SUMF1: variants seen among roughly 807,000 people sequenced by gnomAD.
SUMF1 encodes the protein formylglycine-generating enzyme.
A neutral mutation model predicts 47.6 loss-of-function variants in SUMF1; 48 were observed. That is an observed-to-expected ratio of 1.01 (90% CI 0.80 to 1.28). SUMF1 has a LOEUF of 1.28. SUMF1 is among the 50% of genes most tolerant of loss of function. SUMF1 has a pLI of 0.00. For synonymous variants in SUMF1, 230 were observed against 192.1 expected (o/e 1.20, Z -1.63); for missense variants, 571 against 485.4 (o/e 1.18, Z -1.66).
chr3:4,052,954 A>T (rs1695138334), intron 9 of SUMF1, among the ~76,000 whole-genome samples: 1 of 152,180 alleles, frequency 6.6e-6, no homozygotes, highest in Non-Finnish European at 1.5e-5. Context: ...GGCACTTTTA[A>T]TGTCCTTCAA....
intron 8 of SUMF1, among the ~76,000 whole-genome samples, chr3:4,308,901 A>G (rs1698297424): frequency 6.6e-6 from 1 of 152,258 alleles, no homozygotes; most frequent in Non-Finnish European, 1.5e-5. Flanking sequence ...AGCATGGACC[A>G]TGACACAGCC....
chr3:4,423,764 G>T (rs1701982207), intron 3 of SUMF1, among the ~76,000 whole-genome samples: 1 of 152,128 alleles, frequency 6.6e-6, no homozygotes, highest in Non-Finnish European at 1.5e-5. Context: ...GATCACTGGG[G>T]CAGAACCCTT....
chr3:4,233,223 C>T (rs1423933051), intron 8 of SUMF1, among the ~76,000 whole-genome samples: 1 of 152,034 alleles, frequency 6.6e-6, no homozygotes. Context: ...TTCTGAGATC[C>T]GCAGATGGCA....
intron 4 of SUMF1, among the ~76,000 whole-genome samples, chr3:4,418,562 T>C (rs1000026870): frequency 1.3e-5 from 2 of 152,222 alleles, no homozygotes; most frequent in African/African-American, 2.4e-5. Context: ...CTACAGTGGC[T>C]CAACCTATGG....
chr3:4,277,077 G>A (rs1215937269), intron 8 of SUMF1, among the ~76,000 whole-genome samples: 1 of 151,998 alleles, frequency 6.6e-6, no homozygotes, highest in Non-Finnish European at 1.5e-5. Flanking sequence ...ACCTTGTTAG[G>A]CAGTCTATTA....
chr3:4,287,877 A>C (rs1026777750), intron 8 of SUMF1, among the ~76,000 whole-genome samples: 1 of 152,234 alleles, frequency 6.6e-6, no homozygotes, highest in Non-Finnish European at 1.5e-5. Context: ...AAATTAGTAA[A>C]TCTTCCAATA....
At chr3:4,347,578 A>C (rs1699398908) in intron 8 of SUMF1, among the ~76,000 whole-genome samples, 1 of 152,256 alleles carries the variant, frequency 6.6e-6, no homozygotes, top group South Asian at 2.1e-4. Flanking sequence ...CCAATATCTT[A>C]TTGAATGGGC....
chr3:4,317,300 CAGTT>C (rs1698705979), intron 8 of SUMF1: 1 of 1,249,422 alleles, frequency 8.0e-7, no homozygotes, highest in African/African-American at 1.5e-5. Flanking sequence ...TCCAAAACCG[CAGTT>C]AGTTTTGCAC....
At chr3:4,224,466 C>T (rs1696132488) in intron 8 of SUMF1, among the ~76,000 whole-genome samples, 1 of 152,034 alleles carries the variant, frequency 6.6e-6, no homozygotes, top group Non-Finnish European at 1.5e-5. Context: ...GCCATGTGCA[C>T]CATTACCCTC....
At chr3:4,176,984 G>A (rs1052236918) in intron 8 of SUMF1, among the ~76,000 whole-genome samples, 18 of 152,270 alleles carry the variant, frequency 1.2e-4, no homozygotes, top group East Asian at 9.6e-4. Flanking sequence ...AACAAGAAGA[G>A]CTAACTATCC....
At chr3:4,205,657 G>A (rs1367066171) in intron 8 of SUMF1, among the ~76,000 whole-genome samples, 1 of 152,202 alleles carries the variant, frequency 6.6e-6, no homozygotes, top group Non-Finnish European at 1.5e-5. Context: ...CCCAAGTCCA[G>A]TAACACTGTG....
intron 1 of SUMF1, among the ~76,000 whole-genome samples, chr3:4,466,080 G>A (rs965278527): frequency 1.3e-5 from 2 of 152,108 alleles, no homozygotes; most frequent in East Asian, 3.9e-4. Flanking sequence ...GCAAAATACC[G>A]GGCAGACAGA....
chr3:4,144,022 G>T (rs998330379), intron 8 of SUMF1, among the ~76,000 whole-genome samples: 3 of 136,942 alleles, frequency 2.2e-5, no homozygotes, highest in Admixed American at 8.2e-5. Context: ...ACAGGGTCTC[G>T]CTCTGTCACC....
At chr3:4,158,653 G>T (rs189312250) in intron 8 of SUMF1, among the ~76,000 whole-genome samples, 5 of 151,462 alleles carry the variant, frequency 3.3e-5, no homozygotes, top group Admixed American at 2.6e-4. Flanking sequence ...ATATATATCT[G>T]GGTGCTCCAG....
intron 8 of SUMF1, among the ~76,000 whole-genome samples, chr3:4,244,699 C>A (rs184660446): frequency 1.1e-4 from 17 of 152,248 alleles, no homozygotes; most frequent in African/African-American, 3.9e-4. Context: ...TTTTTTCCTT[C>A]ATTTCAACCT....
chr3:4,463,105 G>C (rs1011278417), intron 1 of SUMF1, among the ~76,000 whole-genome samples: 2 of 152,190 alleles, frequency 1.3e-5, no homozygotes, highest in African/African-American at 4.8e-5. Context: ...AATTATTACA[G>C]AATGCCTAAA....
At chr3:4,204,298 G>A (rs1041106808) in intron 8 of SUMF1, among the ~76,000 whole-genome samples, 1 of 152,048 alleles carries the variant, frequency 6.6e-6, no homozygotes, top group Non-Finnish European at 1.5e-5. Context: ...CTTTAAATAT[G>A]TTAGCTACTG....
rs536158277 is a variant in SUMF1 at position 4,460,811 on chromosome 3, C to G, written c.270+6165G>C. Among the ~76,000 whole-genome samples the G allele has an allele frequency of 2.6e-5, 4 of 152,054 alleles. No individual in the cohort carries two copies. The East Asian group carries it at 5.8e-4, about 22-fold the overall frequency. ...AGCTGGCACTACAGGTGAACACCAACACACCCTGCTAATTTTTTTTTTTAG... is the reference window on the plus strand; with the variant it reads ...AGCTGGCACTACAGGTGAACACCAAGACACCCTGCTAATTTTTTTTTTTAG... On this transcript the variant is annotated intron_variant, in intron 1 of 8. Coordinates refer to ENST00000272902, the MANE Select transcript of SUMF1 (RefSeq NM_182760.4).
At chr3:4,254,024 G>A (rs901287926) in intron 8 of SUMF1, among the ~76,000 whole-genome samples, 1 of 150,736 alleles carries the variant, frequency 6.6e-6, no homozygotes, top group Admixed American at 6.6e-5. Flanking sequence ...ACACAGCAGG[G>A]TATTCCAACA....
Sources: allele counts gnomAD v4.1 joint callset (sites outside exome capture counted in the v4.1 genomes callset), GRCh38; gene constraint gnomAD v4.1.1; transcripts MANE v1.5; gene names NCBI Gene and HGNC (gene_info 2026-07-23, HGNC 2026-07-21).